IPO8: variants seen among roughly 807,000 people sequenced by gnomAD.
IPO8 encodes importin 8.
IPO8 carries 65 observed loss-of-function variants against 141.2 expected under a neutral mutation model. The ratio of observed to expected loss-of-function variants is 0.46; its 90% CI spans 0.38 to 0.57. The LOEUF (loss-of-function observed/expected upper bound fraction) is 0.57. Ranked by LOEUF, IPO8 falls within the 20% of genes least tolerant of loss-of-function variation. IPO8 has a pLI of 0.00. For missense variants in IPO8, 980 were observed against 1,246.8 expected (o/e 0.79, Z 3.22); for synonymous variants, 411 against 420.3 (o/e 0.98, Z 0.27).
Position 30,676,863 on chromosome 12 carries a change from T to A in IPO8, c.640-276A>T, listed in dbSNP as rs1405921012. ...CCACTGAGGTCTCATTTATTCAGCA[T>A]GAGATTCTAAGTGAGTGATTTTTAT... On this transcript the variant is annotated intron_variant, in intron 5 of 24. Transcript: ENST00000256079. 4 of 1,302,960 alleles carry A rather than the reference T, an allele frequency of 3.1e-6. No individual in the cohort carries two copies. In the South Asian group the frequency reaches 5.0e-5, roughly 16 times the overall value. The allele number at this position is 1,302,960 out of a possible 1,614,324, so 80.7% of individuals were successfully genotyped here.
At chr12:30,652,600 A>G (rs1378116431) in intron 18 of IPO8, among the ~76,000 whole-genome samples, 1 of 152,010 alleles carries the variant, frequency 6.6e-6, no homozygotes. Context: ...CTACCCTCCC[A>G]TCATCCCCAT....
chr12:30,680,876 C>T (rs529986856), intron 4 of IPO8, among the ~76,000 whole-genome samples: 2 of 152,030 alleles, frequency 1.3e-5, no homozygotes, highest in Non-Finnish European at 2.9e-5. Flanking sequence ...TAAAACAACC[C>T]GAGACCATTT....
At chr12:30,675,722 T>A (rs1161640309) in intron 6 of IPO8, among the ~76,000 whole-genome samples, 1 of 149,778 alleles carries the variant, frequency 6.7e-6, no homozygotes, top group African/African-American at 2.5e-5. Context: ...CGAGCACCTG[T>A]AGTCCCAGCT....
chr12:30,636,936 C>T, intron 22 of IPO8, 46 bp downstream of exon 22: 1 of 1,523,744 alleles, frequency 6.6e-7, no homozygotes, highest in Non-Finnish European at 9.1e-7. Flanking sequence ...AATGCATACA[C>T]AAATCAAAAT....
chr12:30,677,051 C>T (rs1332189604), intron 5 of IPO8: 1 of 1,523,206 alleles, frequency 6.6e-7, no homozygotes, highest in Admixed American at 2.0e-5. Flanking sequence ...CTCACCTCTG[C>T]TGTACTGTGA....
intron 5 of IPO8, among the ~76,000 whole-genome samples, chr12:30,677,806 A>C (rs1238982706): frequency 6.6e-6 from 1 of 152,232 alleles, no homozygotes; most frequent in East Asian, 1.9e-4. Flanking sequence ...TAATATTTTA[A>C]ACTAAGTGTT....
rs765359496 is a variant in IPO8 at position 30,637,091 on chromosome 12, A to G, written c.2586T>C (p.Val862=). 8 of 1,613,900 alleles carry G rather than the reference A, an allele frequency of 5.0e-6. No individual in the cohort carries two copies. Among genetic ancestry groups the G allele is most frequent in the Non-Finnish European group, 6.8e-6 (8 of 1,179,940 alleles). Residue 862 remains valine (V), a synonymous_variant, in exon 22 of 25, where the codon GTT becomes GTC. Transcript: ENST00000256079. ...PAVDAVVGQI[V]PSILFLFLGL... ...CAAGGAAAAGGAAAAGAATTGAGGG[A>G]ACAATCTGTCCCACCACAGCATCTA...
intron 20 of IPO8, among the ~76,000 whole-genome samples, chr12:30,643,044 A>G (rs1391558579): frequency 6.6e-6 from 1 of 152,234 alleles, no homozygotes; most frequent in Non-Finnish European, 1.5e-5. Flanking sequence ...TATCTTGAAT[A>G]ATGGTAAATA....
At chr12:30,646,343 G>A (rs895159425) in intron 20 of IPO8, among the ~76,000 whole-genome samples, 1 of 152,094 alleles carries the variant, frequency 6.6e-6, no homozygotes, top group African/African-American at 2.4e-5. Context: ...CAACAGTCAA[G>A]AACTGAACCT....
intron 12 of IPO8, 55 bp downstream of exon 12, chr12:30,665,674 C>T: frequency 9.0e-7 from 1 of 1,107,044 alleles, no homozygotes; most frequent in Non-Finnish European, 1.4e-6. Flanking sequence ...CATATTCTCT[C>T]ATTTGCCTGT....
Position 30,656,699 on chromosome 12 carries a change from G to T in IPO8, c.1933C>A (p.Gln645Lys). 6.4e-7 allele frequency: 1 copy of T among 1,555,962 alleles called. No individual in the cohort carries two copies. Among genetic ancestry groups the T allele is most frequent in the South Asian group, 1.2e-5 (1 of 82,164 alleles). The change falls in exon 17 of 25, where the codon CAG (glutamine) becomes AAG (lysine). Residue 645 changes from glutamine to lysine, a missense_variant. By Grantham distance (53) the Gln-to-Lys change is moderately conservative. Transcript: ENST00000256079. ...TTGAACTTACCAATTACATGTTTCTGCAGAACAAGATCAATGATCCGTAGA... is the reference window on the plus strand; with the variant it reads ...TTGAACTTACCAATTACATGTTTCTTCAGAACAAGATCAATGATCCGTAGA... Reference protein sequence around the residue: ...ICLRIIDLVLQKHVIEFYEEI... With the variant: ...ICLRIIDLVLKKHVIEFYEEI...
At chr12:30,680,284 G>T in intron 5 of IPO8, 198 bp downstream of exon 5, 1 of 467,566 alleles carries the variant, frequency 2.1e-6, no homozygotes, top group East Asian at 3.6e-5. Flanking sequence ...GGAGTGAAAA[G>T]CACTTAGGGG....
In IPO8 at chr12:30,680,562, C is replaced by A. The variant is rs776092685; in HGVS notation, c.559G>T (p.Val187Phe). 1.2e-5 allele frequency: 19 copies of A among 1,612,398 alleles called. 1 individual carries two copies. The South Asian group carries it at 2.0e-4, about 17-fold the overall frequency. ...IFLPRIQQQI[V>F]QLLPDSSYYS... Reference sequence around the variant, plus strand: ...TAGGAGGAATCAGGAAGGAGCTGAACAATTTGTTGCTGAATACGAGGCAGG... The same window carrying A: ...TAGGAGGAATCAGGAAGGAGCTGAAAAATTTGTTGCTGAATACGAGGCAGG... Residue 187 changes from valine (V) to phenylalanine (F), a missense_variant, in exon 5 of 25, where the codon GTT (valine) becomes TTT (phenylalanine). Around this residue, in one of 3 missense-constraint regions of IPO8, gnomAD observed 924 missense variants for 1,153.9 expected, o/e 0.80. Coordinates refer to ENST00000256079, the MANE Select transcript of IPO8 (RefSeq NM_006390.4).
At chr12:30,649,977 C>A (rs2052703569) in intron 19 of IPO8, among the ~76,000 whole-genome samples, 2 of 148,456 alleles carry the variant, frequency 1.3e-5, no homozygotes, top group Admixed American at 6.7e-5. Flanking sequence ...TAAGGGTGGG[C>A]CAGAAATTTA....
intron 1 of IPO8, among the ~76,000 whole-genome samples, chr12:30,693,568 AC>A (rs2053310796): frequency 6.6e-6 from 1 of 152,184 alleles, no homozygotes; most frequent in East Asian, 1.9e-4. Flanking sequence ...ATGGTGATTT[AC>A]CCACTCATTT....
At chr12:30,669,804 C>G (rs529931952) in intron 9 of IPO8, among the ~76,000 whole-genome samples, 1 of 152,022 alleles carries the variant, frequency 6.6e-6, no homozygotes, top group East Asian at 1.9e-4. Context: ...CTTCTATTCC[C>G]AAAAAAACTA....
chr12:30,662,664 T>C, intron 14 of IPO8, 177 bp from the exon 15 acceptor site: 2 of 629,930 alleles, frequency 3.2e-6, no homozygotes, highest in Non-Finnish European at 5.7e-6. Context: ...AATATATCAG[T>C]TTCCCAAGAG....
intron 5 of IPO8, among the ~76,000 whole-genome samples, chr12:30,678,185 AG>A (rs2053147473): frequency 6.6e-6 from 1 of 152,078 alleles, no homozygotes; most frequent in Non-Finnish European, 1.5e-5. Context: ...AAGCTAAGCT[AG>A]GGTTAATTTA....
intron 5 of IPO8, chr12:30,680,237 C>G: frequency 3.0e-6 from 1 of 335,514 alleles, no homozygotes; most frequent in East Asian, 5.3e-5. Flanking sequence ...GTAGGTTTAC[C>G]TACCCTGGTT....
Sources: allele counts gnomAD v4.1 joint callset (sites outside exome capture counted in the v4.1 genomes callset), GRCh38; gene constraint gnomAD v4.1.1; regional missense constraint gnomAD v4.1.1; transcripts MANE v1.5; gene names NCBI Gene and HGNC (gene_info 2026-07-23, HGNC 2026-07-21).